MTUS2: variants seen among roughly 807,000 people sequenced by gnomAD.
The protein encoded by MTUS2 is microtubule associated scaffold protein 2, also known as microtubule-associated tumor suppressor candidate 2.
Under a neutral mutation model 114.1 loss-of-function variants are expected in MTUS2, and 40 were observed. That is an observed-to-expected ratio of 0.35 (90% CI 0.27 to 0.46). The LOEUF (loss-of-function observed/expected upper bound fraction) is 0.46. MTUS2 is among the 20% of genes least tolerant of loss of function. The probability of loss-of-function intolerance (pLI) is 1.00; values close to 1 mark genes in which losing one functional copy is unlikely to be tolerated. For missense variants in MTUS2, 1,679 were observed against 1,705.4 expected (o/e 0.98, Z 0.27); for synonymous variants, 688 against 672.0 (o/e 1.02, Z -0.37).
chr13:29,028,012 A>G (rs1886640846), intron 3 of MTUS2, among the ~76,000 whole-genome samples: 1 of 152,156 alleles, frequency 6.6e-6, no homozygotes, highest in Admixed American at 6.5e-5. Context: ...CAGAACTAAG[A>G]TTTGTCTCCT....
chr13:29,355,154 C>T (rs1246866676), intron 7 of MTUS2, among the ~76,000 whole-genome samples: 3 of 152,170 alleles, frequency 2.0e-5, no homozygotes, highest in Non-Finnish European at 4.4e-5. Flanking sequence ...GGATGGCTGC[C>T]GATGAATTTT....
chr13:29,132,935 A>G (rs1891826942), intron 5 of MTUS2, among the ~76,000 whole-genome samples: 2 of 152,114 alleles, frequency 1.3e-5, no homozygotes, highest in Non-Finnish European at 2.9e-5. Context: ...GGGAGCTGCC[A>G]TACTGTTTTC....
intron 5 of MTUS2, among the ~76,000 whole-genome samples, chr13:29,213,512 G>T (rs2139292244): frequency 6.6e-6 from 1 of 152,286 alleles, no homozygotes; most frequent in South Asian, 2.1e-4. Context: ...CATATATTCT[G>T]AAGCTCTGTA....
intron 4 of MTUS2, among the ~76,000 whole-genome samples, chr13:29,094,859 G>T (rs898079277): frequency 2.0e-5 from 3 of 151,778 alleles, no homozygotes; most frequent in African/African-American, 4.8e-5. Flanking sequence ...GCTGCTTCCC[G>T]TAAGCTTTGG....
At chr13:29,242,635 C>T (rs1477920994) in intron 5 of MTUS2, 1 of 153,652 alleles carries the variant, frequency 6.5e-6, no homozygotes, top group Non-Finnish European at 1.5e-5. Context: ...TGTAGAGAAC[C>T]CTTAGCCAGG....
At chr13:29,261,699 G>T (rs1897478587) in intron 5 of MTUS2, among the ~76,000 whole-genome samples, 1 of 152,190 alleles carries the variant, frequency 6.6e-6, no homozygotes, top group Non-Finnish European at 1.5e-5. Context: ...GTTCACATCA[G>T]ATGGTGTTAT....
Position 29,026,923 on chromosome 13 carries a change from A to G in MTUS2, c.2205+20A>G. 1.3e-6 allele frequency: 2 copies of G among 1,562,156 alleles called. No homozygotes were observed. The highest frequency in any genetic ancestry group is 1.2e-5 in the South Asian group (1 of 83,132). On this transcript the variant is annotated intron_variant, in intron 3 of 15. Transcript: ENST00000612955. ...CAGGAGGTAAGAGAATGTCATTATG[A>G]TATGGTCTATAAGTTGACTGTCCCA...
intron 8 of MTUS2, among the ~76,000 whole-genome samples, chr13:29,371,884 C>T (rs943996149): frequency 1.3e-5 from 2 of 151,430 alleles, no homozygotes; most frequent in Admixed American, 6.6e-5. Context: ...TTTCTGGAGG[C>T]CTAATGTTCA....
chr13:29,204,159 C>G (rs1447405416), intron 5 of MTUS2, among the ~76,000 whole-genome samples: 2 of 152,010 alleles, frequency 1.3e-5, no homozygotes, highest in East Asian at 3.9e-4. Flanking sequence ...GGGGTTTTGC[C>G]ATATTGGCCA....
At chr13:29,010,007 C>T (rs530093961) in intron 2 of MTUS2, among the ~76,000 whole-genome samples, 4 of 152,068 alleles carry the variant, frequency 2.6e-5, no homozygotes, top group South Asian at 2.1e-4. Context: ...GTCAGGAGTT[C>T]GAGACCAGCC....
At chr13:28,828,214 G>A (rs1441319489) in intron 1 of MTUS2, among the ~76,000 whole-genome samples, 1 of 152,216 alleles carries the variant, frequency 6.6e-6, no homozygotes, top group Non-Finnish European at 1.5e-5. Context: ...TGAAAGAAGA[G>A]AAATATGGCT....
intron 2 of MTUS2, among the ~76,000 whole-genome samples, chr13:28,899,016 A>G (rs1042045791): frequency 1.3e-5 from 2 of 152,220 alleles, no homozygotes; most frequent in African/African-American, 4.8e-5. Context: ...GTCTACCACA[A>G]ACCACGCTGG....
At chr13:29,200,441 G>A (rs769584818) in intron 5 of MTUS2, among the ~76,000 whole-genome samples, 9 of 148,064 alleles carry the variant, frequency 6.1e-5, no homozygotes, top group East Asian at 6.0e-4. Context: ...CCTTAATTTC[G>A]TTATTTACCC....
At chr13:29,038,910 C>A (rs1452364914) in intron 4 of MTUS2, among the ~76,000 whole-genome samples, 1 of 152,224 alleles carries the variant, frequency 6.6e-6, no homozygotes, top group Non-Finnish European at 1.5e-5. Flanking sequence ...CACCAGGCTG[C>A]GGGCGGGCCT....
intron 9 of MTUS2, among the ~76,000 whole-genome samples, chr13:29,451,016 C>A (rs1186414508): frequency 6.6e-6 from 1 of 152,196 alleles, no homozygotes; most frequent in East Asian, 1.9e-4. Flanking sequence ...GTACTCCACT[C>A]TGAGTAACAA....
At position 29,254,720 on chromosome 13, in the gene MTUS2, G is replaced by T. The variant is rs1164356836; in HGVS notation, c.2645-26984G>T. 2.0e-5 allele frequency among the ~76,000 whole-genome samples: 3 copies of T among 152,184 alleles called. No homozygotes were observed. In the East Asian group the frequency reaches 5.8e-4, roughly 29 times the overall value. On this transcript the variant is annotated intron_variant, in intron 5 of 15. Transcript: ENST00000612955. ...TTCATTTAGCTTTCTCTGCACCAATGATTCTTTACTTGTGACAAGAAATAG... is the reference window on the plus strand; with the variant it reads ...TTCATTTAGCTTTCTCTGCACCAATTATTCTTTACTTGTGACAAGAAATAG...
intron 2 of MTUS2, among the ~76,000 whole-genome samples, chr13:28,987,730 C>T (rs1884653835): frequency 1.3e-5 from 2 of 152,028 alleles, no homozygotes; most frequent in African/African-American, 2.4e-5. Flanking sequence ...GTGAAATGTG[C>T]CAAATTCTAA....
chr13:29,139,311 CTCT>C (rs779302069), intron 5 of MTUS2, among the ~76,000 whole-genome samples: 1 of 152,170 alleles, frequency 6.6e-6, no homozygotes, highest in Non-Finnish European at 1.5e-5. Flanking sequence ...GCTCAGAAAG[CTCT>C]TCTTTACACT....
intron 2 of MTUS2, among the ~76,000 whole-genome samples, chr13:29,019,232 A>C (rs9551592): frequency 0.12 from 18,710 of 152,044 alleles, 1,597 homozygotes; most frequent in African/African-American, 0.24. Context: ...GACTGGTGGG[A>C]AGAGGGGTGC....
Sources: allele counts gnomAD v4.1 joint callset (sites outside exome capture counted in the v4.1 genomes callset), GRCh38; gene constraint gnomAD v4.1.1; transcripts MANE v1.5; gene names NCBI Gene and HGNC (gene_info 2026-07-23, HGNC 2026-07-21).